The following DPP10 variants were observed in gnomAD, a reference collection of about 807,000 sequenced individuals.
The protein encoded by DPP10 is inactive dipeptidyl peptidase 10.
A neutral mutation model predicts 120.9 loss-of-function variants in DPP10; 33 were observed. That is an observed-to-expected ratio of 0.27 (90% CI 0.21 to 0.37). The LOEUF (loss-of-function observed/expected upper bound fraction) is 0.37. Ranked by LOEUF, DPP10 falls within the 10% of genes least tolerant of loss-of-function variation. The pLI is 1.00. For missense variants in DPP10, 816 were observed against 942.8 expected (o/e 0.87, Z 1.76); for synonymous variants, 337 against 326.1 (o/e 1.03, Z -0.36).
intron 1 of DPP10, among the ~76,000 whole-genome samples, chr2:115,296,278 C>T (rs908138080): frequency 2.6e-5 from 4 of 152,118 alleles, no homozygotes; most frequent in Admixed American, 6.6e-5. Context: ...CTCTAAAGGT[C>T]GGTGGTGTTA....
chr2:115,763,617 A>G (rs1680363300), intron 12 of DPP10, among the ~76,000 whole-genome samples: 1 of 152,140 alleles, frequency 6.6e-6, no homozygotes, highest in Admixed American at 6.6e-5. Flanking sequence ...TCTAATTCAC[A>G]AACACTGTCC....
chr2:115,482,037 T>A (rs2105275436), intron 3 of DPP10, among the ~76,000 whole-genome samples: 1 of 152,108 alleles, frequency 6.6e-6, no homozygotes, highest in Middle Eastern at 3.4e-3. Flanking sequence ...ACCAGGCAAA[T>A]GGCACATTGT....
chr2:115,827,416 A>G (rs13412417), intron 21 of DPP10, among the ~76,000 whole-genome samples: 23 of 122,850 alleles, frequency 1.9e-4, no homozygotes, highest in African/African-American at 7.1e-4. Flanking sequence ...GTGTGTGTGT[A>G]TATATATATA....
At chr2:115,486,472 G>A (rs1010096582) in intron 3 of DPP10, among the ~76,000 whole-genome samples, 2 of 152,016 alleles carry the variant, frequency 1.3e-5, no homozygotes, top group East Asian at 1.9e-4. Context: ...CTAGACCTTT[G>A]GGATCATATA....
intron 1 of DPP10, among the ~76,000 whole-genome samples, chr2:115,045,639 G>A (rs1410676828): frequency 1.3e-5 from 2 of 152,218 alleles, no homozygotes; most frequent in African/African-American, 4.8e-5. Context: ...GTGCCATGTG[G>A]TCCAGACCAG....
chr2:114,481,309 T>C (rs766721732), intron 1 of DPP10, among the ~76,000 whole-genome samples: 7 of 148,772 alleles, frequency 4.7e-5, no homozygotes, highest in Non-Finnish European at 7.5e-5. Context: ...AATAAATAAA[T>C]GAAAAAATCT....
intron 1 of DPP10, chr2:115,144,787 C>T (rs2051130494): frequency 6.6e-6 from 1 of 151,450 alleles, no homozygotes; most frequent in South Asian, 2.1e-4. Context: ...GCACATTGTG[C>T]ACATGTACCC....
chr2:115,713,105 TA>T, intron 7 of DPP10, among the ~76,000 whole-genome samples: 1 of 152,138 alleles, frequency 6.6e-6, no homozygotes. Flanking sequence ...ATGATTTTTT[TA>T]TGAAGAAGTA....
intron 1 of DPP10, among the ~76,000 whole-genome samples, chr2:114,857,069 T>C (rs191654229): frequency 3.9e-5 from 6 of 152,154 alleles, no homozygotes; most frequent in Non-Finnish European, 7.4e-5. Context: ...AGTTCAGATC[T>C]CCCAGAGCTG....
chr2:114,906,379 T>A (rs1693963978), intron 1 of DPP10, among the ~76,000 whole-genome samples: 1 of 146,138 alleles, frequency 6.8e-6, no homozygotes, highest in Non-Finnish European at 1.5e-5. Context: ...GTGAGTTCTA[T>A]CTCAAAAAAA....
chr2:115,478,197 G>T (rs938627083), intron 3 of DPP10, among the ~76,000 whole-genome samples: 3 of 152,094 alleles, frequency 2.0e-5, no homozygotes, highest in African/African-American at 7.2e-5. Flanking sequence ...ACATCTATTG[G>T]CATAACAACA....
chr2:114,593,444 G>A (rs982751458), intron 1 of DPP10, among the ~76,000 whole-genome samples: 3 of 152,182 alleles, frequency 2.0e-5, no homozygotes, highest in African/African-American at 7.2e-5. Flanking sequence ...ACTGCCATAG[G>A]GTCCCTTGAG....
rs371036977 is a variant in DPP10, at chr2:114,481,730, A to G, written c.60+38892A>G. On this transcript the variant is annotated intron_variant, in intron 1 of 25. Transcript: ENST00000410059. ...TGTATTAGTCCGTTTTCACACTGCT[A>G]TAAAGATACTACCTGAGACTGGGTA... Among the ~76,000 whole-genome samples the G allele has an allele frequency of 4.4e-4, 67 of 152,252 alleles. No homozygotes were observed. The East Asian group carries it at 0.011, about 25-fold the overall frequency.
At chr2:115,674,048 C>CAAACAAAACA (rs747524920) in intron 5 of DPP10, among the ~76,000 whole-genome samples, 2 of 151,848 alleles carry the variant, frequency 1.3e-5, no homozygotes, top group Non-Finnish European at 2.9e-5. Context: ...TCTGTCTCTA[C>CAAACAAAACA]AAACAAAACA....
chr2:115,170,602 T>C (rs1056102761), intron 1 of DPP10, among the ~76,000 whole-genome samples: 3 of 152,222 alleles, frequency 2.0e-5, no homozygotes, highest in Admixed American at 6.5e-5. Flanking sequence ...CACCTGTATG[T>C]ACTTTTTTAG....
intron 3 of DPP10, among the ~76,000 whole-genome samples, chr2:115,447,019 C>T (rs969489788): frequency 5.9e-5 from 9 of 152,214 alleles, no homozygotes; most frequent in Non-Finnish European, 1.0e-4. Context: ...GGAAAAGCTA[C>T]AGGCACTCAA....
At chr2:115,354,706 C>T (rs1364150251) in intron 3 of DPP10, among the ~76,000 whole-genome samples, 2 of 151,996 alleles carry the variant, frequency 1.3e-5, no homozygotes, top group East Asian at 1.9e-4. Context: ...CCCTCGCCCC[C>T]CACCCAACAA....
chr2:115,321,474 C>T (rs966069578), intron 2 of DPP10, among the ~76,000 whole-genome samples: 4 of 145,420 alleles, frequency 2.8e-5, no homozygotes, highest in South Asian at 2.2e-4. Context: ...TTATCTTCTG[C>T]GTATTTTATT....
intron 1 of DPP10, among the ~76,000 whole-genome samples, chr2:114,913,100 G>A (rs1361442210): frequency 6.6e-6 from 1 of 152,130 alleles, no homozygotes; most frequent in East Asian, 1.9e-4. Flanking sequence ...TTGCAGCGCA[G>A]CCTCAGCTGC....
Sources: gnomAD v4.1 joint callset for allele counts (sites outside exome capture counted in the v4.1 genomes callset) on GRCh38, gnomAD v4.1.1 for gene constraint, MANE v1.5 for transcripts, NCBI Gene and HGNC (gene_info 2026-07-23, HGNC 2026-07-21) for gene names.